Variants in FLT4 observed in about 807,000 individuals in gnomAD.
FLT4 encodes the protein fms related receptor tyrosine kinase 4.
In FLT4, 30 loss-of-function variants were observed where a neutral mutation model predicts 163.2. That is an observed-to-expected ratio of 0.18 (90% confidence interval 0.14 to 0.25). FLT4 has a LOEUF of 0.25. FLT4 is among the 10% of genes least tolerant of loss of function. The pLI, the probability that FLT4 is intolerant of heterozygous loss-of-function variation, is 1.00. For missense variants in FLT4, 1,510 were observed against 1,863.8 expected, an observed-to-expected ratio of 0.81 and a Z score of 3.50; for synonymous variants, 884 against 789.5, an observed-to-expected ratio of 1.12 and a Z score of -2.01.
rs759095203 is a variant in FLT4, at chr5:180,626,098, G to A, written c.1258+13C>T. Reference sequence around the variant, plus strand: ...AGGCCGCCCACCCGTGCGCTCTCCCGTCCCTGACCTACCATTCACCACCAG... The same window carrying A: ...AGGCCGCCCACCCGTGCGCTCTCCCATCCCTGACCTACCATTCACCACCAG... On this transcript the variant is annotated intron_variant, in intron 9 of 29. Coordinates refer to ENST00000261937, the MANE Select transcript of FLT4 (RefSeq NM_182925.5). 32 of 1,612,612 alleles carry A rather than the reference G, an allele frequency of 2.0e-5. No individual in the cohort carries two copies. The highest frequency in any genetic ancestry group is 1.2e-4 in the Admixed American group (7 of 60,010).
intron 13 of FLT4, 76 bp downstream of exon 13, chr5:180,621,466 G>C: frequency 6.4e-7 from 1 of 1,574,506 alleles, no homozygotes; most frequent in Non-Finnish European, 8.6e-7. Context: ...CCAGGGGCGA[G>C]CCACGCCGGG....
intron 23 of FLT4, among the ~76,000 whole-genome samples, chr5:180,615,542 T>TG (rs1554110675): frequency 3.1e-5 from 1 of 31,894 alleles, no homozygotes; most frequent in African/African-American, 9.8e-5. Flanking sequence ...TTCGGAGCAC[T>TG]GGGCCCGCCG....
chr5:180,631,802 G>A lies in FLT4; in HGVS notation c.59-24C>T, dbSNP rs138954560. On this transcript the variant is annotated intron_variant, in intron 1 of 29. Coordinates refer to ENST00000261937, the MANE Select transcript of FLT4 (RefSeq NM_182925.5). ...GCCTGGGGTGGGAGACAGGGTCAGCGTGGTGCTGGGCTGTGACTTGGCACG... is the reference window on the plus strand; with the variant it reads ...GCCTGGGGTGGGAGACAGGGTCAGCATGGTGCTGGGCTGTGACTTGGCACG... The A allele has an allele frequency of 1.9e-3, 2,891 of 1,538,962 alleles. 38 individuals carry two copies. In the African/African-American group the frequency reaches 0.035, roughly 19 times the overall value.
At chr5:180,621,992 C>CTCCT in intron 12 of FLT4, 88 bp from the exon 13 acceptor site, 1 of 1,538,980 alleles carries the variant, frequency 6.5e-7, no homozygotes, top group African/African-American at 1.4e-5. Flanking sequence ...TCCTGCCTCC[C>CTCCT]TCCCTCCCTC....
rs984854763 is a variant in FLT4, at chr5:180,602,692, G to A, written c.*500C>T. On this transcript the variant is annotated 3_prime_UTR_variant, in exon 30 of 30. Coordinates refer to ENST00000261937, the MANE Select transcript of FLT4 (RefSeq NM_182925.5). ...GGAAACACAGCCCCTCCCTTCAACT[G>A]TGCAGGGGTGGGTGAGGCCAGCCAG... 4.5e-6 allele frequency: 2 copies of A among 446,444 alleles called. No individual in the cohort carries two copies. The highest frequency in any genetic ancestry group is 3.8e-5 in the Admixed American group (1 of 26,272). The allele number at this position is 446,444 out of a possible 1,614,324, so 27.7% of individuals were successfully genotyped here. A position where few individuals can be genotyped will look rare whatever the true frequency, so the allele number is the denominator to read the frequency against.
chr5:180,611,770 A>G, intron 26 of FLT4: 1 of 528,400 alleles, frequency 1.9e-6, no homozygotes, highest in South Asian at 2.1e-5. Flanking sequence ...TCAGCCATCA[A>G]GACAGATAAG....
At position 180,626,416 on chromosome 5, in the gene FLT4, C is replaced by T. The variant is rs1360135102; in HGVS notation, c.1104-151G>A. On this transcript the variant is annotated intron_variant, in intron 8 of 29. Transcript: ENST00000261937. ...GAACACTGGTCTGCGAGGGGATGGTCTAAGTCCCTGGAGATGGTCTCCAGG... is the reference window on the plus strand; with the variant it reads ...GAACACTGGTCTGCGAGGGGATGGTTTAAGTCCCTGGAGATGGTCTCCAGG... 59 of 864,380 alleles carry T rather than the reference C, an allele frequency of 6.8e-5. 1 individual carries two copies. Among genetic ancestry groups the T allele is most frequent in the Middle Eastern group, 6.4e-4 (2 of 3,122 alleles). The allele number at this position is 864,380 out of a possible 1,614,324, so 53.5% of individuals were successfully genotyped here.
intron 10 of FLT4, among the ~76,000 whole-genome samples, chr5:180,624,856 A>G (rs1028760507): frequency 1.7e-4 from 26 of 152,350 alleles, no homozygotes; most frequent in African/African-American, 4.3e-4. Context: ...CAGGGCCCCA[A>G]GGGAGGCTCA....
intron 29 of FLT4, among the ~76,000 whole-genome samples, chr5:180,604,366 C>T (rs1461708780): frequency 1.3e-5 from 2 of 152,300 alleles, no homozygotes; most frequent in East Asian, 1.9e-4. Flanking sequence ...AAGTCCTGTC[C>T]ATTCTAACTC....
rs759006343 is a variant in FLT4, at chr5:180,601,938, C to T, written c.*1254G>A. 17 of 233,516 alleles carry T rather than the reference C, an allele frequency of 7.3e-5. No homozygotes were observed. The East Asian group carries it at 9.0e-4, about 12-fold the overall frequency. The allele number at this position is 233,516 out of a possible 1,614,324, so 14.5% of individuals were successfully genotyped here. A position where few individuals can be genotyped will look rare whatever the true frequency, so the allele number is the denominator to read the frequency against. ...GGGGGTCAGGGTGGTGGTCAGTCTC[C>T]GTGGTCCTAACGTGGGGATGTGGCT... On this transcript the variant is annotated 3_prime_UTR_variant, in exon 30 of 30. Coordinates refer to ENST00000261937, the MANE Select transcript of FLT4 (RefSeq NM_182925.5).
At chr5:180,621,368 G>A (rs1037219869) in intron 13 of FLT4, 116 bp from the exon 14 acceptor site, 89 of 1,426,088 alleles carry the variant, frequency 6.2e-5, no homozygotes, top group Non-Finnish European at 8.0e-5. Context: ...GGGGTTGTGC[G>A]CCGGGCAGGA....
chr5:180,647,370 G>A (rs1355909773), intron 1 of FLT4, among the ~76,000 whole-genome samples: 1 of 152,134 alleles, frequency 6.6e-6, no homozygotes, highest in Non-Finnish European at 1.5e-5. Context: ...CCATGGCTAT[G>A]CTTGTGCCAT....
At chr5:180,610,555 TGA>T (rs1329783005) in intron 27 of FLT4, among the ~76,000 whole-genome samples, 1 of 152,242 alleles carries the variant, frequency 6.6e-6, no homozygotes, top group Non-Finnish European at 1.5e-5. Context: ...ACAGCCATCC[TGA>T]GTGTGAAATG....
intron 12 of FLT4, among the ~76,000 whole-genome samples, chr5:180,622,107 C>T (rs762693761): frequency 1.3e-4 from 20 of 152,000 alleles, no homozygotes; most frequent in Middle Eastern, 3.4e-3. Flanking sequence ...TCCTCATTCT[C>T]TCTTGAAGCT....
At chr5:180,649,698 C>A (rs1192538579), upstream of FLT4, 2 of 227,468 alleles carry the variant, frequency 8.8e-6, no homozygotes, top group Non-Finnish European at 1.5e-5. Flanking sequence ...CCCCTCCCCC[C>A]GTCCCTCCCA....
intron 10 of FLT4, 55 bp from the exon 11 acceptor site, chr5:180,624,116 A>G: frequency 6.2e-7 from 1 of 1,600,900 alleles, no homozygotes; most frequent in Non-Finnish European, 8.5e-7. Context: ...GGAAGGGCCC[A>G]CATGGGGGGC....
At position 180,630,363 on chromosome 5, in the gene FLT4, G is replaced by A. The variant is rs781538643; in HGVS notation, c.401-26C>T. The A allele has an allele frequency of 2.5e-6, 4 of 1,597,390 alleles. No individual in the cohort carries two copies. The South Asian group carries it at 4.4e-5, about 18-fold the overall frequency. ...CTATGGAGAGGGAGCAAGCTGTTGG[G>A]GAAGGGACGTGGCGGCCAGGCTGGG... On this transcript the variant is annotated intron_variant, in intron 3 of 29. Coordinates refer to ENST00000261937, the MANE Select transcript of FLT4 (RefSeq NM_182925.5). This position sits in a 1 kb window ranked among gnomAD's most constrained non-coding sequence, Gnocchi z 6.3.
At chr5:180,613,624 T>C in intron 24 of FLT4, 1 of 296,650 alleles carries the variant, frequency 3.4e-6, no homozygotes, top group South Asian at 3.8e-5. Context: ...GCTCCTTTAG[T>C]TTCCGCAGTA....
At chr5:180,643,982 C>CAGT (rs1765333040) in intron 1 of FLT4, among the ~76,000 whole-genome samples, 1 of 152,168 alleles carries the variant, frequency 6.6e-6, no homozygotes. Flanking sequence ...CCACCGCACG[C>CAGT]AGCTAATTTT....
Sources: gnomAD v4.1 joint callset for allele counts (sites outside exome capture counted in the v4.1 genomes callset) on GRCh38, gnomAD v4.1.1 for gene constraint, Gnocchi (gnomAD v3.1) non-coding constraint, MANE v1.5 for transcripts, NCBI Gene and HGNC (gene_info 2026-07-23, HGNC 2026-07-21) for gene names.